The following ENDOU variants were observed in gnomAD, a reference collection of about 807,000 sequenced individuals.
The protein encoded by ENDOU is endonuclease, poly(U) specific.
A neutral mutation model predicts 54.2 loss-of-function variants in ENDOU; 49 were observed. The observed-to-expected ratio is 0.90, with a 90% CI of 0.72 to 1.15. The LOEUF is 1.15. Among genes scored for constraint, ENDOU ranks in the 50% most tolerant of loss-of-function variants. ENDOU has a pLI of 0.00. For synonymous variants in ENDOU, 172 were observed against 190.5 expected (o/e 0.90, Z 0.80); for missense variants, 458 against 511.4 (o/e 0.90, Z 1.01).
chr12:47,711,959 A>C (rs1187513928), intron 8 of ENDOU, among the ~76,000 whole-genome samples, 184 bp from the exon 9 acceptor site: 1 of 152,152 alleles, frequency 6.6e-6, no homozygotes, highest in Non-Finnish European at 1.5e-5. Flanking sequence ...GTCTGAGCCC[A>C]CCCGGACCCT....
intron 1 of ENDOU, among the ~76,000 whole-genome samples, chr12:47,722,601 C>T (rs575160052): frequency 1.3e-5 from 2 of 152,326 alleles, no homozygotes; most frequent in East Asian, 3.9e-4. Context: ...TTCAGACTGG[C>T]TGGAGCAGTC....
intron 2 of ENDOU, chr12:47,719,081 T>G (rs181828990): frequency 6.6e-6 from 1 of 152,324 alleles, no homozygotes; most frequent in African/African-American, 2.4e-5. Context: ...CCACATTTTA[T>G]GCTAAACAGA....
intron 3 of ENDOU, 122 bp from the exon 4 acceptor site, chr12:47,717,777 A>C (rs1371729675): frequency 2.9e-6 from 3 of 1,037,906 alleles, no homozygotes; most frequent in Non-Finnish European, 4.2e-6. Context: ...CCAGGGAAGG[A>C]AAACAAACAA....
Position 47,717,949 on chromosome 12 carries a change from GC to G in ENDOU, c.244+179del, listed in dbSNP as rs2136681282. ...CTTTCCTAGCTACCCTCCTCCCATGGCCCCCCAGGCTGGCTGAGCCCCCCCA... is the reference window on the plus strand; with the variant it reads ...CTTTCCTAGCTACCCTCCTCCCATGGCCCCCAGGCTGGCTGAGCCCCCCCA... On this transcript the variant is annotated intron_variant, in intron 3 of 9. Transcript: ENST00000422538. The G allele has an allele frequency of 1.6e-5, 10 of 626,220 alleles. No individual in the cohort carries two copies. In the South Asian group the frequency reaches 1.7e-4, roughly 10 times the overall value. 38.8% of individuals were successfully genotyped at this position (626,220 alleles called of 1,614,324 possible). A position where few individuals can be genotyped will look rare whatever the true frequency, so the allele number is the denominator to read the frequency against.
intron 7 of ENDOU, among the ~76,000 whole-genome samples, 180 bp from the exon 8 acceptor site, chr12:47,712,802 C>G (rs1216096478): frequency 6.6e-6 from 1 of 152,098 alleles, no homozygotes; most frequent in African/African-American, 2.4e-5. Flanking sequence ...CAGGAAGGCC[C>G]CCCTTCTGGC....
intron 6 of ENDOU, among the ~76,000 whole-genome samples, chr12:47,716,065 C>G (rs1013003176): frequency 6.6e-6 from 1 of 152,102 alleles, no homozygotes; most frequent in Admixed American, 6.5e-5. Context: ...AACATGAAGT[C>G]AAAGGTGGGG....
intron 1 of ENDOU, among the ~76,000 whole-genome samples, chr12:47,723,166 C>T (rs1210030062): frequency 1.3e-5 from 2 of 152,204 alleles, no homozygotes; most frequent in African/African-American, 4.8e-5. Context: ...GAGAGCACCC[C>T]CGCCGGCCCA....
intron 6 of ENDOU, 94 bp from the exon 7 acceptor site, chr12:47,713,482 G>A (rs1320690088): frequency 3.6e-5 from 28 of 781,158 alleles, no homozygotes; most frequent in South Asian, 1.7e-4. Context: ...GCTCCCACAC[G>A]TCAAGAAACA....
chr12:47,713,196 C>T (rs1315003666), intron 7 of ENDOU, 79 bp downstream of exon 7: 1 of 997,730 alleles, frequency 1.0e-6, no homozygotes, highest in Non-Finnish European at 1.6e-6. Context: ...TTAATCCACA[C>T]CCAGGGCTGC....
intron 6 of ENDOU, among the ~76,000 whole-genome samples, chr12:47,713,698 A>G (rs7969186): frequency 0.39 from 57,497 of 146,938 alleles, 11,298 homozygotes; most frequent in Middle Eastern, 0.46. Context: ...CTATGAAGCA[A>G]AGTAGCCCGT....
chr12:47,716,286 G>C lies in ENDOU; in HGVS notation c.751+14C>G. The stretch of plus-strand genomic sequence containing the variant: ...CAGACTCATGCGCTCTGGGGCCTGG[G>C]GGTGCTCACTCACTCTGGTGATGGA... On this transcript the variant is annotated intron_variant, in intron 6 of 9. Coordinates refer to ENST00000422538, the MANE Select transcript of ENDOU (RefSeq NM_001172439.2). 1 of 1,613,374 alleles carries C rather than the reference G, an allele frequency of 6.2e-7. No homozygotes were observed. The highest frequency in any genetic ancestry group is 8.5e-7 in the Non-Finnish European group (1 of 1,179,544).
chr12:47,716,554 C>G (rs992711898), intron 5 of ENDOU, 55 bp from the exon 6 acceptor site: 5 of 1,543,296 alleles, frequency 3.2e-6, no homozygotes, highest in Non-Finnish European at 4.4e-6. Flanking sequence ...GGCAGCGACC[C>G]CTCCAGAGAC....
intron 7 of ENDOU, 64 bp downstream of exon 7, chr12:47,713,211 C>G: frequency 8.5e-7 from 1 of 1,169,920 alleles, no homozygotes; most frequent in Non-Finnish European, 1.3e-6. Context: ...GGCTGCCCTG[C>G]TCCTGAGCAA....
chr12:47,713,752 G>T lies in ENDOU; in HGVS notation c.752-364C>A, dbSNP rs536282416. ...GCACATAAGTTGGCGGGGGGGGGGGGTCTTCTAGAAAGGAACATCAGAAAG... is the reference window on the plus strand; with the variant it reads ...GCACATAAGTTGGCGGGGGGGGGGGTTCTTCTAGAAAGGAACATCAGAAAG... On this transcript the variant is annotated intron_variant, in intron 6 of 9. Coordinates refer to ENST00000422538, the MANE Select transcript of ENDOU (RefSeq NM_001172439.2). Among the ~76,000 whole-genome samples, 475 of 134,532 alleles carry T rather than the reference G, an allele frequency of 3.5e-3. 9 individuals carry two copies. Among genetic ancestry groups the T allele is most frequent in the African/African-American group, 0.013 (457 of 35,900 alleles). 88.3% of individuals were successfully genotyped at this position (134,532 alleles called of 152,430 possible).
In ENDOU at chr12:47,716,599, G is replaced by C. The variant is rs892026698; in HGVS notation, c.552-100C>G. The C allele has an allele frequency of 1.3e-5, 14 of 1,111,624 alleles. No individual in the cohort carries two copies. The African/African-American group carries it at 2.2e-4, about 17-fold the overall frequency. 68.9% of individuals were successfully genotyped at this position (1,111,624 alleles called of 1,614,324 possible). ...GGCCAGGGGCAGACAGGCGAGGGCT[G>C]GGTTCAGGAGCCGAGGGGGCACTTC... On this transcript the variant is annotated intron_variant, in intron 5 of 9. Transcript: ENST00000422538.
At chr12:47,713,219 C>A in intron 7 of ENDOU, 56 bp downstream of exon 7, 1 of 1,274,658 alleles carries the variant, frequency 7.8e-7, no homozygotes, top group Non-Finnish European at 1.1e-6. Context: ...TGCTCCTGAG[C>A]AAAGCCATTC....
chr12:47,718,491 A>G (rs1940334447), intron 2 of ENDOU, among the ~76,000 whole-genome samples: 1 of 152,234 alleles, frequency 6.6e-6, no homozygotes. Flanking sequence ...TGATTTAACA[A>G]AAGTTGACAG....
intron 5 of ENDOU, 46 bp from the exon 6 acceptor site, chr12:47,716,545 G>T (rs1352979439): frequency 6.4e-7 from 1 of 1,574,420 alleles, no homozygotes; most frequent in South Asian, 1.1e-5. Context: ...CAAACACAGG[G>T]CAGCGACCCC....
intron 1 of ENDOU, among the ~76,000 whole-genome samples, chr12:47,724,392 G>A (rs996055987): frequency 2.0e-5 from 3 of 152,154 alleles, no homozygotes; most frequent in African/African-American, 7.2e-5. Flanking sequence ...TCCCATAAGG[G>A]TCTCCTTTCC....
Sources: allele counts gnomAD v4.1 joint callset (sites outside exome capture counted in the v4.1 genomes callset), GRCh38; gene constraint gnomAD v4.1.1; transcripts MANE v1.5; gene names NCBI Gene and HGNC (gene_info 2026-07-23, HGNC 2026-07-21).